PPIG: variants seen among roughly 807,000 people sequenced by gnomAD.
The protein encoded by PPIG is peptidyl-prolyl cis-trans isomerase G.
Under a neutral mutation model 87.9 loss-of-function variants are expected in PPIG, and 26 were observed. The observed-to-expected ratio is 0.30, with a 90% CI of 0.22 to 0.41. PPIG has a LOEUF of 0.41. Ranked by LOEUF, PPIG falls within the 10% of genes least tolerant of loss-of-function variation. PPIG has a pLI of 1.00. For missense variants in PPIG, 722 were observed against 879.4 expected, an observed-to-expected ratio of 0.82 and a Z score of 2.26; for synonymous variants, 308 against 276.5, an observed-to-expected ratio of 1.11 and a Z score of -1.13.
At chr2:169,631,276 G>GA (rs989778838) in intron 10 of PPIG, among the ~76,000 whole-genome samples, 2 of 152,128 alleles carry the variant, frequency 1.3e-5, no homozygotes, top group Admixed American at 1.3e-4. Flanking sequence ...GAAAATTGCA[G>GA]AAAACCACCA....
intron 1 of PPIG, among the ~76,000 whole-genome samples, chr2:169,595,637 C>T (rs1684996045): frequency 6.6e-6 from 1 of 152,094 alleles, no homozygotes; most frequent in African/African-American, 2.4e-5. Context: ...TTTTAGCTCC[C>T]ACAAATAAGT....
At chr2:169,586,752 C>CT (rs1333813585) in intron 1 of PPIG, among the ~76,000 whole-genome samples, 5 of 152,038 alleles carry the variant, frequency 3.3e-5, no homozygotes, top group African/African-American at 1.2e-4. Flanking sequence ...TTTAGTTAGG[C>CT]TTTTTTCCTT....
chr2:169,587,628 C>T (rs1684740495), intron 1 of PPIG, among the ~76,000 whole-genome samples: 2 of 152,146 alleles, frequency 1.3e-5, no homozygotes, highest in African/African-American at 4.8e-5. Context: ...TAAATGGTCA[C>T]CATAAGAACT....
intron 6 of PPIG, 96 bp downstream of exon 6, chr2:169,607,244 TA>T: frequency 1.3e-6 from 1 of 771,750 alleles, no homozygotes; most frequent in South Asian, 2.0e-5. Flanking sequence ...TTAAAGGGTA[TA>T]CTAATGTCTA....
chr2:169,590,847 A>T (rs74916479), intron 1 of PPIG, among the ~76,000 whole-genome samples: 2,319 of 152,146 alleles, frequency 0.015, 41 homozygotes, highest in African/African-American at 0.04. Context: ...CCACAAAAAA[A>T]TTTTTAAAAA....
Position 169,630,974 on chromosome 2 carries a change from A to C in PPIG, c.748A>C (p.Lys250Gln). 1 of 1,593,410 alleles carries C rather than the reference A, an allele frequency of 6.3e-7. No individual in the cohort carries two copies. The highest frequency in any genetic ancestry group is 8.5e-7 in the Non-Finnish European group (1 of 1,174,404). Residue 250 changes from lysine to glutamine, a missense_variant, in exon 10 of 14, where the codon AAA (lysine) becomes CAA (glutamine). Around this residue, in one of 4 missense-constraint regions of PPIG, gnomAD observed 142 missense variants for 152.8 expected, o/e 0.93. Coordinates refer to ENST00000260970, the MANE Select transcript of PPIG (RefSeq NM_004792.3). The stretch of plus-strand genomic sequence containing the variant: ...CAAGAAAGAAAAGAAAAAGCGAAAG[A>C]AAAGCAAGAAGAGGTCTTAATTTTA... ...KHKKEKKKRKKSKKSASSESE... is the reference protein window; with the variant it reads ...KHKKEKKKRKQSKKSASSESE...
chr2:169,603,881 C>G, intron 2 of PPIG, 145 bp from the exon 3 acceptor site: 1 of 643,228 alleles, frequency 1.6e-6, no homozygotes, highest in Non-Finnish European at 2.7e-6. Context: ...CACTAATAAT[C>G]CATGTGATTT....
intron 9 of PPIG, among the ~76,000 whole-genome samples, chr2:169,629,720 G>T (rs1192962872): frequency 6.6e-6 from 1 of 152,130 alleles, no homozygotes; most frequent in Non-Finnish European, 1.5e-5. Flanking sequence ...TTTTGCAGCA[G>T]CCATGGGTTA....
At chr2:169,610,986 A>G (rs1381484350) in intron 7 of PPIG, among the ~76,000 whole-genome samples, 1 of 152,136 alleles carries the variant, frequency 6.6e-6, no homozygotes, top group African/African-American at 2.4e-5. Context: ...TGGCGGGTGG[A>G]TCACTTGAGG....
chr2:169,587,014 A>G lies in PPIG; in HGVS notation c.-70+2524A>G, dbSNP rs907963220. 2.0e-5 allele frequency among the ~76,000 whole-genome samples: 3 copies of G among 151,892 alleles called. No individual in the cohort carries two copies. In the South Asian group the frequency reaches 6.2e-4, roughly 32 times the overall value. ...AGTGGCATGATCTCAGCTCACTGCA[A>G]CCTCCACCTCCTGAGCTCAAGGGAT... On this transcript the variant is annotated intron_variant, in intron 1 of 13. Coordinates refer to ENST00000260970, the MANE Select transcript of PPIG (RefSeq NM_004792.3).
intron 12 of PPIG, among the ~76,000 whole-genome samples, chr2:169,635,629 T>G (rs1198750429): frequency 6.6e-6 from 1 of 152,200 alleles, no homozygotes; most frequent in Non-Finnish European, 1.5e-5. Flanking sequence ...TAAGTGAACA[T>G]CTACACATTT....
intron 7 of PPIG, among the ~76,000 whole-genome samples, chr2:169,611,850 T>G (rs1335734679): frequency 3.3e-5 from 5 of 152,214 alleles, no homozygotes; most frequent in Non-Finnish European, 7.3e-5. Flanking sequence ...TTCTGTTTTT[T>G]AAAGGAAATA....
intron 10 of PPIG, 83 bp downstream of exon 10, chr2:169,631,070 G>A: frequency 8.1e-7 from 1 of 1,237,212 alleles, no homozygotes; most frequent in South Asian, 1.4e-5. Flanking sequence ...TCAATTATAT[G>A]AAACTGTTAA....
chr2:169,624,129 GC>G (rs1685823653), intron 9 of PPIG, among the ~76,000 whole-genome samples: 1 of 152,070 alleles, frequency 6.6e-6, no homozygotes, highest in South Asian at 2.1e-4. Flanking sequence ...GCCACACCTG[GC>G]TAATTTTTGT....
chr2:169,627,167 T>G (rs1440221011), intron 9 of PPIG, among the ~76,000 whole-genome samples: 5 of 152,168 alleles, frequency 3.3e-5, no homozygotes, highest in Non-Finnish European at 7.4e-5. Flanking sequence ...GGTGCAATCT[T>G]GGCTTACTGC....
intron 5 of PPIG, among the ~76,000 whole-genome samples, chr2:169,606,572 A>G (rs1293273071): frequency 7.9e-6 from 1 of 127,144 alleles, no homozygotes; most frequent in Non-Finnish European, 1.6e-5. Flanking sequence ...GGCCTGAATG[A>G]CAGAGCAAGA....
chr2:169,613,485 C>T (rs765367480), intron 7 of PPIG, among the ~76,000 whole-genome samples: 4 of 152,036 alleles, frequency 2.6e-5, no homozygotes, highest in Non-Finnish European at 4.4e-5. Context: ...GTTTTTAGTA[C>T]GTATTCAAGT....
At chr2:169,627,682 A>G (rs1333432355) in intron 9 of PPIG, among the ~76,000 whole-genome samples, 1 of 141,062 alleles carries the variant, frequency 7.1e-6, no homozygotes, top group Non-Finnish European at 1.5e-5. Flanking sequence ...GTGAGAAGCC[A>G]TGCCCCTAGC....
intron 7 of PPIG, among the ~76,000 whole-genome samples, chr2:169,612,425 C>T (rs796845902): frequency 4.0e-5 from 6 of 149,092 alleles, no homozygotes; most frequent in African/African-American, 1.3e-4. Context: ...GCTCTGTTGC[C>T]CAGCCTGGAG....
Sources: allele counts gnomAD v4.1 joint callset (sites outside exome capture counted in the v4.1 genomes callset), GRCh38; gene constraint gnomAD v4.1.1; regional missense constraint gnomAD v4.1.1; transcripts MANE v1.5; gene names NCBI Gene and HGNC (gene_info 2026-07-23, HGNC 2026-07-21).